PEX5L: variants seen among roughly 807,000 people sequenced by gnomAD.
PEX5L encodes PEX5-related protein.
A neutral mutation model predicts 84.0 loss-of-function variants in PEX5L; 30 were observed. The observed-to-expected ratio is 0.36, with a 90% CI of 0.27 to 0.48. The LOEUF (loss-of-function observed/expected upper bound fraction) is 0.48. Ranked by LOEUF, PEX5L falls within the 20% of genes least tolerant of loss-of-function variation. The pLI is 0.99. For missense variants in PEX5L, 533 were observed against 754.6 expected, an observed-to-expected ratio of 0.71 and a Z score of 3.44; for synonymous variants, 270 against 283.1, an observed-to-expected ratio of 0.95 and a Z score of 0.46.
chr3:179,972,310 C>A (rs549367552), intron 1 of PEX5L, among the ~76,000 whole-genome samples: 1 of 150,858 alleles, frequency 6.6e-6, no homozygotes, highest in East Asian at 1.9e-4. Context: ...ATTTTGTCAT[C>A]ATTTATTTTG....
intron 1 of PEX5L, among the ~76,000 whole-genome samples, chr3:179,989,035 T>C (rs905060520): frequency 2.0e-5 from 3 of 152,210 alleles, no homozygotes; most frequent in South Asian, 4.1e-4. Context: ...GATTCTAGCA[T>C]TGGTCTTGGA....
intron 2 of PEX5L, among the ~76,000 whole-genome samples, chr3:179,924,604 T>A (rs1409198622): frequency 2.0e-5 from 3 of 152,184 alleles, no homozygotes; most frequent in Non-Finnish European, 4.4e-5. Flanking sequence ...TTTCACCTCC[T>A]AAATTGGCAA....
At chr3:179,852,243 T>G (rs1231804851) in intron 8 of PEX5L, among the ~76,000 whole-genome samples, 2 of 152,156 alleles carry the variant, frequency 1.3e-5, no homozygotes, top group Admixed American at 6.5e-5. Context: ...ATTCGCAAGA[T>G]AGCTCCCTCA....
At chr3:179,947,710 CTTTT>C (rs34097310) in intron 2 of PEX5L, among the ~76,000 whole-genome samples, 1 of 139,372 alleles carries the variant, frequency 7.2e-6, no homozygotes, top group East Asian at 2.1e-4. Context: ...AAAAAAGTTA[CTTTT>C]TTTTTTTTTT....
intron 2 of PEX5L, among the ~76,000 whole-genome samples, chr3:179,930,273 C>G (rs1021296205): frequency 6.6e-6 from 1 of 151,930 alleles, no homozygotes; most frequent in Admixed American, 6.5e-5. Flanking sequence ...ATACCTTATT[C>G]TTTTTTCTAG....
At chr3:180,024,049 AAC>A (rs1790675648) in intron 1 of PEX5L, among the ~76,000 whole-genome samples, 1 of 152,024 alleles carries the variant, frequency 6.6e-6, no homozygotes, top group Non-Finnish European at 1.5e-5. Flanking sequence ...CCCAGGAAAA[AAC>A]ACAGTCTTTG....
At chr3:179,894,387 C>T (rs1056339628) in intron 3 of PEX5L, among the ~76,000 whole-genome samples, 2 of 152,056 alleles carry the variant, frequency 1.3e-5, no homozygotes, top group African/African-American at 4.8e-5. Context: ...TGCCCCACCC[C>T]CCACTTCCTA....
intron 1 of PEX5L, among the ~76,000 whole-genome samples, chr3:180,035,557 C>G (rs1791830528): frequency 6.6e-6 from 1 of 151,968 alleles, no homozygotes; most frequent in Non-Finnish European, 1.5e-5. Context: ...AAGAATTTCC[C>G]TAAGTTATGG....
At position 179,875,347 on chromosome 3, in the gene PEX5L, A is replaced by G. The variant is rs1005319144; in HGVS notation, c.629+7T>C. ...AATGGCCGTTTTCTGGTATTAAAAT[A>G]CCTTACCATAAGAGCTCTTTTGATC... is the stretch of plus-strand genomic sequence containing the variant. On this transcript the variant is annotated splice_region_variant and intron_variant, in intron 6 of 14. Transcript: ENST00000467460. 1 of 1,613,820 alleles carries G rather than the reference A, an allele frequency of 6.2e-7. No homozygotes were observed. The highest frequency in any genetic ancestry group is 1.3e-5 in the African/African-American group (1 of 74,920).
At chr3:179,996,561 C>T (rs1434462265) in intron 1 of PEX5L, among the ~76,000 whole-genome samples, 1 of 152,088 alleles carries the variant, frequency 6.6e-6, no homozygotes, top group African/African-American at 2.4e-5. Context: ...GGATAAGTCA[C>T]TTTAGGCCTA....
chr3:179,838,130 T>C (rs980502842), intron 8 of PEX5L, among the ~76,000 whole-genome samples: 1 of 152,238 alleles, frequency 6.6e-6, no homozygotes, highest in Non-Finnish European at 1.5e-5. Flanking sequence ...AATCTTAAAA[T>C]GTTTTTGAAA....
chr3:179,850,047 A>G lies in PEX5L; in HGVS notation c.822+9015T>C, dbSNP rs556782741. Among the ~76,000 whole-genome samples, 72 of 152,318 alleles carry G rather than the reference A, an allele frequency of 4.7e-4. 1 individual carries two copies. The South Asian group carries it at 0.015, about 32-fold the overall frequency. On this transcript the variant is annotated intron_variant, in intron 8 of 14. Transcript: ENST00000467460. ...ACTACCCATAATTCTGACCTTAAAA[A>G]TTTAGAGATAGACTGTAAATCCCTC...
Position 179,859,122 on chromosome 3 carries a change from T to C in PEX5L, c.762A>G (p.Ala254=). The change falls in exon 8 of 15, where the codon GCA becomes GCG. Residue 254 remains alanine, a synonymous_variant. Coordinates refer to ENST00000467460, the MANE Select transcript of PEX5L (RefSeq NM_016559.3). ...CTAAGGAGTGGTTTCTAGAAAGTAATGCGCTTCCCCAGCGATGTTCTTTGG... is the reference window on the plus strand; with the variant it reads ...CTAAGGAGTGGTTTCTAGAAAGTAACGCGCTTCCCCAGCGATGTTCTTTGG... ...RLTKEHRWGS[A]LLSRNHSLEE... The C allele has an allele frequency of 1.9e-6, 3 of 1,614,016 alleles. No homozygotes were observed. Among genetic ancestry groups the C allele is most frequent in the Non-Finnish European group, 2.5e-6 (3 of 1,179,874 alleles).
At chr3:179,900,777 A>G in intron 2 of PEX5L, 1 of 1,406,218 alleles carries the variant, frequency 7.1e-7, no homozygotes, top group Non-Finnish European at 9.7e-7. Flanking sequence ...GCCTGCTAGC[A>G]ACTTTTTTCT....
At position 179,853,037 on chromosome 3, in the gene PEX5L, G is replaced by A. The variant is rs544792268; in HGVS notation, c.822+6025C>T. Among the ~76,000 whole-genome samples the A allele has an allele frequency of 3.3e-5, 5 of 152,242 alleles. No homozygotes were observed. The South Asian group carries it at 6.2e-4, about 19-fold the overall frequency. On this transcript the variant is annotated intron_variant, in intron 8 of 14. Coordinates refer to ENST00000467460, the MANE Select transcript of PEX5L (RefSeq NM_016559.3). ...TGCACCAGACTCTATGGCAGGTGCT[G>A]GGAACATAAAGAAGGATGAATAAAG...
At chr3:179,806,949 T>C (rs2108743554) in intron 14 of PEX5L, among the ~76,000 whole-genome samples, 1 of 152,258 alleles carries the variant, frequency 6.6e-6, no homozygotes, top group South Asian at 2.1e-4. Flanking sequence ...CATTTAGTTC[T>C]TTTTCCAAAT....
chr3:179,797,601 AAAAAATATAT>A lies in PEX5L; in HGVS notation c.*4217_*4226del, dbSNP rs1290941109. On this transcript the variant is annotated 3_prime_UTR_variant, in exon 15 of 15. Coordinates refer to ENST00000467460, the MANE Select transcript of PEX5L (RefSeq NM_016559.3). ...TATGAACACTCTTTAAAAAAAAAAA[AAAAAATATAT>A]ATATATATATATATATATATCTACT... 2.8e-3 allele frequency: 298 copies of A among 107,080 alleles called. 2 individuals carry two copies. The highest frequency in any genetic ancestry group is 0.011 in the African/African-American group (277 of 25,536). 6.6% of individuals were successfully genotyped at this position (107,080 alleles called of 1,614,324 possible).
rs1444223700 is a variant in PEX5L at position 180,004,920 on chromosome 3, CT to C, written c.21+31658del. 2.0e-5 allele frequency among the ~76,000 whole-genome samples: 3 copies of C among 151,976 alleles called. No homozygotes were observed. The East Asian group carries it at 5.8e-4, about 29-fold the overall frequency. ...TAAAAATTGAGCATCTCATATTGAT[CT>C]TAGGTAAAATTTTGCTTAGTATTTT... On this transcript the variant is annotated intron_variant, in intron 1 of 14. Transcript: ENST00000467460.
chr3:180,022,671 G>C (rs541248617), intron 1 of PEX5L, among the ~76,000 whole-genome samples: 1 of 152,150 alleles, frequency 6.6e-6, no homozygotes, highest in African/African-American at 2.4e-5. Context: ...ATACAATCAA[G>C]ATAATATTGA....
Sources: gnomAD v4.1 joint callset for allele counts (sites outside exome capture counted in the v4.1 genomes callset) on GRCh38, gnomAD v4.1.1 for gene constraint, MANE v1.5 for transcripts, NCBI Gene and HGNC (gene_info 2026-07-23, HGNC 2026-07-21) for gene names.